The following ANK3 variants were observed in gnomAD, a reference collection of about 807,000 sequenced individuals.
ANK3 encodes ankyrin 3.
Under a neutral mutation model 370.9 loss-of-function variants are expected in ANK3, and 57 were observed. The ratio of observed to expected loss-of-function variants is 0.15; its 90% CI spans 0.12 to 0.19. The LOEUF is 0.19. Ranked by LOEUF, ANK3 falls within the 10% of genes least tolerant of loss-of-function variation. ANK3 has a pLI of 1.00. For missense variants in ANK3, 4,439 were observed against 5,302.1 expected (o/e 0.84, Z 5.06); for synonymous variants, 1,929 against 1,946.3 (o/e 0.99, Z 0.23).
chr10:60,684,758 T>C (rs2079245981), intron 1 of ANK3: 4 of 1,568,684 alleles, frequency 2.5e-6, no homozygotes, highest in Non-Finnish European at 8.7e-7. Context: ...TTAATGCCAC[T>C]ATGGAAGTCA....
intron 4 of ANK3, among the ~76,000 whole-genome samples, chr10:60,273,601 T>C (rs1405362731): frequency 6.6e-6 from 1 of 152,164 alleles, no homozygotes; most frequent in Admixed American, 6.5e-5. Context: ...TGTCCTTGAA[T>C]GGTCTGATAC....
chr10:60,570,375 G>T lies in ANK3; in HGVS notation c.96+44811C>A, dbSNP rs570453128. Among the ~76,000 whole-genome samples, 395 of 152,268 alleles carry T rather than the reference G, an allele frequency of 2.6e-3. 2 individuals are homozygous for T. Among genetic ancestry groups the T allele is most frequent in the Non-Finnish European group, 4.7e-3 (318 of 68,002 alleles). ...CATCCAGAAGACTAACTTCCAACTA[G>T]GGAGAATCAAGACATTTCAAGAAGA... On this transcript the variant is annotated intron_variant, in intron 2 of 43. Transcript: ENST00000373827.
At chr10:60,650,918 C>T (rs2078779868) in intron 1 of ANK3, among the ~76,000 whole-genome samples, 1 of 118,166 alleles carries the variant, frequency 8.5e-6, no homozygotes, top group Non-Finnish European at 1.8e-5. Context: ...TCCTCCATTC[C>T]TACAAAATTT....
chr10:60,272,118 TGTGTGTGTGC>T (rs900569831), intron 4 of ANK3, among the ~76,000 whole-genome samples: 2 of 130,354 alleles, frequency 1.5e-5, no homozygotes, highest in African/African-American at 6.2e-5. Context: ...TGTGTGTGTG[TGTGTGTGTGC>T]ATGCCCATAG....
At chr10:60,480,144 C>T (rs905171014) in intron 2 of ANK3, among the ~76,000 whole-genome samples, 4 of 152,056 alleles carry the variant, frequency 2.6e-5, no homozygotes, top group African/African-American at 7.2e-5. Context: ...TCCTAGAGTT[C>T]CAACATGAGC....
chr10:60,220,445 C>T (rs985332076), intron 8 of ANK3, among the ~76,000 whole-genome samples: 1 of 152,184 alleles, frequency 6.6e-6, no homozygotes, highest in African/African-American at 2.4e-5. Flanking sequence ...TTCGGAATTA[C>T]TGATAGAACA....
chr10:60,597,671 A>G (rs1332680678), intron 2 of ANK3, among the ~76,000 whole-genome samples: 1 of 152,148 alleles, frequency 6.6e-6, no homozygotes, highest in Non-Finnish European at 1.5e-5. Context: ...AGAATTTCTC[A>G]AGAGTTTCAA....
At chr10:60,341,197 G>A (rs949614861) in intron 1 of ANK3, among the ~76,000 whole-genome samples, 1 of 152,070 alleles carries the variant, frequency 6.6e-6, no homozygotes, top group Admixed American at 6.6e-5. Flanking sequence ...AAGCATCTGG[G>A]ACATTCTGAT....
intron 2 of ANK3, among the ~76,000 whole-genome samples, chr10:60,425,248 G>T (rs1414130159): frequency 6.6e-6 from 1 of 152,078 alleles, no homozygotes; most frequent in South Asian, 2.1e-4. Flanking sequence ...GACAGAGTCA[G>T]ACTTGTGTTT....
chr10:60,292,445 T>C (rs569305116), intron 1 of ANK3, among the ~76,000 whole-genome samples: 1 of 152,110 alleles, frequency 6.6e-6, no homozygotes, highest in Non-Finnish European at 1.5e-5. Flanking sequence ...TTTTTTTTCT[T>C]AATACACGCT....
chr10:60,477,757 A>AG (rs2075110984), intron 2 of ANK3, among the ~76,000 whole-genome samples: 3 of 152,204 alleles, frequency 2.0e-5, no homozygotes, highest in South Asian at 2.1e-4. Context: ...GACTGAGAAA[A>AG]CAGGTAAGCA....
intron 1 of ANK3, among the ~76,000 whole-genome samples, chr10:60,370,422 C>T (rs1053511430): frequency 1.3e-5 from 2 of 151,928 alleles, no homozygotes; most frequent in African/African-American, 4.8e-5. Context: ...TTAAAAATCG[C>T]TATGAATAGC....
intron 2 of ANK3, among the ~76,000 whole-genome samples, chr10:60,423,792 T>C (rs2063824970): frequency 6.6e-6 from 1 of 152,026 alleles, no homozygotes; most frequent in South Asian, 2.1e-4. Context: ...ACCCAGAATA[T>C]ACACTTTATA....
At chr10:60,139,756 TG>T (rs1484300751) in intron 23 of ANK3, 2 of 153,122 alleles carry the variant, frequency 1.3e-5, no homozygotes, top group African/African-American at 2.4e-5. Flanking sequence ...TTTAGCACTT[TG>T]AAAGGACTAT....
intron 2 of ANK3, among the ~76,000 whole-genome samples, chr10:60,396,826 T>A (rs765789966): frequency 6.6e-6 from 1 of 152,220 alleles, no homozygotes; most frequent in Non-Finnish European, 1.5e-5. Context: ...AGAGACCTTA[T>A]CCTACCTAGT....
intron 2 of ANK3, among the ~76,000 whole-genome samples, chr10:60,519,139 T>C (rs185887471): frequency 1.2e-3 from 183 of 152,260 alleles, no homozygotes; most frequent in African/African-American, 4.1e-3. Context: ...CGTTGCAATA[T>C]CTATGGAGCT....
intron 1 of ANK3, among the ~76,000 whole-genome samples, chr10:60,624,057 A>G (rs2078375454): frequency 1.3e-5 from 2 of 152,152 alleles, no homozygotes; most frequent in African/African-American, 4.8e-5. Context: ...ACTTGAGGGT[A>G]GAGGGAGGGA....
At position 60,071,729 on chromosome 10, in the gene ANK3, G is replaced by A. The variant is rs563874031; in HGVS notation, c.9152C>T (p.Ser3051Phe). Residue 3051 changes from serine to phenylalanine, a missense_variant, in exon 37 of 44, where the codon TCT becomes TTT. Coordinates refer to ENST00000280772, the MANE Select transcript of ANK3 (RefSeq NM_020987.5). ...TETSPTKSPD[S>F]LEFSPGKESP... The stretch of plus-strand genomic sequence containing the variant: ...TTCCTTTCCTGGGCTAAACTCTAAA[G>A]AATCAGGAGATTTGGTGGGGGAGGT... 6.3e-7 allele frequency: 1 copy of A among 1,598,546 alleles called. No individual in the cohort carries two copies. The highest frequency in any genetic ancestry group is 8.5e-7 in the Non-Finnish European group (1 of 1,174,278).
intron 38 of ANK3, among the ~76,000 whole-genome samples, chr10:60,066,691 T>C (rs925467177): frequency 2.0e-5 from 3 of 152,198 alleles, no homozygotes; most frequent in African/African-American, 7.2e-5. Context: ...TCCCATTAAA[T>C]AGAGATAACT....
Sources: gnomAD v4.1 joint callset for allele counts (sites outside exome capture counted in the v4.1 genomes callset) on GRCh38, gnomAD v4.1.1 for gene constraint, MANE v1.5 for transcripts, NCBI Gene and HGNC (gene_info 2026-07-23, HGNC 2026-07-21) for gene names.